Variants in SPOCK3 observed in about 807,000 individuals in gnomAD.
The protein encoded by SPOCK3 is testican-3.
A neutral mutation model predicts 56.6 loss-of-function variants in SPOCK3; 30 were observed. The ratio of observed to expected loss-of-function variants is 0.53; its 90% CI spans 0.40 to 0.72. The LOEUF is 0.72. Ranked by LOEUF, SPOCK3 falls within the 30% of genes least tolerant of loss-of-function variation. SPOCK3 has a pLI of 0.00. For missense variants in SPOCK3, 527 were observed against 530.0 expected (o/e 0.99, Z 0.06); for synonymous variants, 196 against 183.3 (o/e 1.07, Z -0.56).
chr4:167,172,873 C>T (rs892583801), intron 2 of SPOCK3, among the ~76,000 whole-genome samples: 2 of 152,166 alleles, frequency 1.3e-5, no homozygotes, highest in African/African-American at 4.8e-5. Flanking sequence ...AGAGTTTATG[C>T]TTTTTCAAGA....
At chr4:166,925,488 T>C (rs990392682) in intron 4 of SPOCK3, among the ~76,000 whole-genome samples, 1 of 152,150 alleles carries the variant, frequency 6.6e-6, no homozygotes, top group African/African-American at 2.4e-5. Context: ...TATTGTGTGA[T>C]ACCATTGAAA....
At chr4:167,008,172 T>G (rs1340472966) in intron 3 of SPOCK3, among the ~76,000 whole-genome samples, 2 of 152,000 alleles carry the variant, frequency 1.3e-5, no homozygotes, top group Non-Finnish European at 2.9e-5. Context: ...CATCTAAAAA[T>G]AACTTTTTAT....
At chr4:167,014,811 G>A (rs1379033056) in intron 3 of SPOCK3, among the ~76,000 whole-genome samples, 1 of 151,922 alleles carries the variant, frequency 6.6e-6, no homozygotes, top group Non-Finnish European at 1.5e-5. Context: ...GGTGGGGCTG[G>A]GCTGGCCGTT....
chr4:167,197,723 G>A (rs1733096761), intron 2 of SPOCK3, among the ~76,000 whole-genome samples: 1 of 152,028 alleles, frequency 6.6e-6, no homozygotes. Flanking sequence ...CCACTTCCAC[G>A]CTCATCTGAT....
chr4:166,964,822 A>T (rs2150063284), intron 4 of SPOCK3, among the ~76,000 whole-genome samples: 1 of 151,768 alleles, frequency 6.6e-6, no homozygotes, highest in South Asian at 2.1e-4. Context: ...AATACATTTT[A>T]TTTTTTTTCT....
chr4:167,054,305 T>A (rs974532545), intron 3 of SPOCK3, among the ~76,000 whole-genome samples: 11 of 152,328 alleles, frequency 7.2e-5, no homozygotes, highest in Admixed American at 5.2e-4. Flanking sequence ...AATGGAAAGA[T>A]GTGAATATTT....
chr4:167,188,012 A>ACCAACTGAACAGAAAATGAAAAAGAGTG (rs1554050183), intron 2 of SPOCK3, among the ~76,000 whole-genome samples: 2 of 147,762 alleles, frequency 1.4e-5, no homozygotes, highest in East Asian at 2.0e-4. Context: ...AATACTGAGA[A>ACCAACTGAACAGAAAATGAAAAAGAGTG]ATCTGCAGTT....
chr4:166,876,685 T>C (rs1733122019), intron 6 of SPOCK3, among the ~76,000 whole-genome samples: 1 of 152,148 alleles, frequency 6.6e-6, no homozygotes, highest in Non-Finnish European at 1.5e-5. Context: ...ACGATATTAA[T>C]AGTATCTTTT....
At chr4:166,986,596 T>C (rs1219533606) in intron 4 of SPOCK3, among the ~76,000 whole-genome samples, 1 of 152,134 alleles carries the variant, frequency 6.6e-6, no homozygotes, top group Non-Finnish European at 1.5e-5. Flanking sequence ...TCCTGCGATG[T>C]GTATCATCAC....
intron 2 of SPOCK3, among the ~76,000 whole-genome samples, chr4:167,225,079 T>C (rs1460703944): frequency 6.6e-6 from 1 of 152,096 alleles, no homozygotes; most frequent in African/African-American, 2.4e-5. Flanking sequence ...ACAACAAGAG[T>C]GATAATATGG....
chr4:167,148,266 G>C (rs1403105469), intron 2 of SPOCK3, among the ~76,000 whole-genome samples: 1 of 152,044 alleles, frequency 6.6e-6, no homozygotes, highest in Non-Finnish European at 1.5e-5. Flanking sequence ...TGCCACTAAT[G>C]TCCTAATACA....
At chr4:166,912,888 T>C (rs1045333077) in intron 4 of SPOCK3, 145 bp from the exon 5 acceptor site, 5 of 688,994 alleles carry the variant, frequency 7.3e-6, no homozygotes, top group Non-Finnish European at 1.1e-5. Context: ...ATTTATTATT[T>C]CATGCCATAT....
chr4:166,893,674 G>A (rs966146007), intron 5 of SPOCK3, among the ~76,000 whole-genome samples: 2 of 152,096 alleles, frequency 1.3e-5, no homozygotes, highest in Non-Finnish European at 2.9e-5. Context: ...TAGCAGCAAT[G>A]TTATTTTCTT....
At chr4:167,120,123 A>C (rs1026703953) in intron 2 of SPOCK3, among the ~76,000 whole-genome samples, 1 of 152,108 alleles carries the variant, frequency 6.6e-6, no homozygotes, top group Admixed American at 6.6e-5. Context: ...AATTACACCT[A>C]ATTTCAAGAG....
At chr4:166,873,051 T>A (rs550896995) in intron 6 of SPOCK3, among the ~76,000 whole-genome samples, 3 of 152,202 alleles carry the variant, frequency 2.0e-5, no homozygotes, top group South Asian at 4.1e-4. Context: ...AGGGCATTAG[T>A]CTCCATGAGG....
intron 3 of SPOCK3, among the ~76,000 whole-genome samples, chr4:167,039,753 C>T (rs918883784): frequency 2.6e-5 from 4 of 151,412 alleles, no homozygotes; most frequent in East Asian, 1.9e-4. Context: ...TTTAATATTT[C>T]GGAATAAAAG....
chr4:167,035,473 T>A (rs767195103), intron 3 of SPOCK3, among the ~76,000 whole-genome samples: 1 of 151,890 alleles, frequency 6.6e-6, no homozygotes, highest in Non-Finnish European at 1.5e-5. Context: ...TCAAGAAAAG[T>A]CCCTACAGGA....
At chr4:166,817,600 C>T (rs568798890) in intron 6 of SPOCK3, among the ~76,000 whole-genome samples, 5 of 152,104 alleles carry the variant, frequency 3.3e-5, no homozygotes, top group Admixed American at 6.6e-5. Flanking sequence ...TGCGTGTCCC[C>T]TGGTCAACAC....
At chr4:166,904,525 T>G (rs1032968618) in intron 5 of SPOCK3, among the ~76,000 whole-genome samples, 2 of 152,050 alleles carry the variant, frequency 1.3e-5, no homozygotes, top group African/African-American at 4.8e-5. Flanking sequence ...TGAAATAAAT[T>G]CTAGTAACAT....
Sources: allele counts gnomAD v4.1 joint callset (sites outside exome capture counted in the v4.1 genomes callset), GRCh38; gene constraint gnomAD v4.1.1; transcripts MANE v1.5; gene names NCBI Gene and HGNC (gene_info 2026-07-23, HGNC 2026-07-21).